Variants in FAIM2 observed in about 807,000 individuals in gnomAD.
The protein encoded by FAIM2 is Fas apoptotic inhibitory molecule 2.
FAIM2 carries 27 observed loss-of-function variants against 47.4 expected under a neutral mutation model. The observed-to-expected ratio is 0.57, with a 90% CI of 0.42 to 0.78. The LOEUF (loss-of-function observed/expected upper bound fraction) is 0.78, where lower values mean the gene tolerates loss of function less well. Among genes scored for constraint, FAIM2 ranks in the 30% least tolerant of loss-of-function variants. FAIM2 has a pLI of 0.00. For missense variants in FAIM2, 311 were observed against 389.4 expected (o/e 0.80, Z 1.69); for synonymous variants, 156 against 159.3 (o/e 0.98, Z 0.16).
intron 11 of FAIM2, among the ~76,000 whole-genome samples, chr12:49,880,448 G>A (rs1202592669): frequency 1.4e-5 from 1 of 74,014 alleles, no homozygotes; most frequent in Non-Finnish European, 2.6e-5. Flanking sequence ...GTTTGTGTAT[G>A]TGCATGTGTA....
intron 11 of FAIM2, among the ~76,000 whole-genome samples, chr12:49,883,437 GGC>G (rs1946840111): frequency 6.6e-6 from 1 of 152,004 alleles, no homozygotes; most frequent in South Asian, 2.1e-4. Flanking sequence ...GTGTCACCAA[GGC>G]ATTTGTCCTG....
In FAIM2 at chr12:49,900,230, G is replaced by A. The variant is rs565043182; in HGVS notation, c.211+900C>T. The stretch of plus-strand genomic sequence containing the variant: ...GCGCCCAGGGGATTTGTAGTGGGAG[G>A]TGTAGACCATGGTGGCTACTCCCTA... On this transcript the variant is annotated intron_variant, in intron 2 of 11. Transcript: ENST00000320634. 3.7e-5 allele frequency: 47 copies of A among 1,286,834 alleles called. No homozygotes were observed. The African/African-American group carries it at 6.4e-4, about 17-fold the overall frequency. 79.7% of individuals were successfully genotyped at this position (1,286,834 alleles called of 1,614,324 possible).
At position 49,880,290 on chromosome 12, in the gene FAIM2, G is replaced by A. The variant is rs1224854530; in HGVS notation, c.801+7096C>T. Among the ~76,000 whole-genome samples, 6 of 148,242 alleles carry A rather than the reference G, an allele frequency of 4.0e-5. No homozygotes were observed. The South Asian group carries it at 8.3e-4, about 21-fold the overall frequency. ...TATGTGTATATGTATGCATATGAGTGTATCTGTGTATGTGCATGTGTGTAT... is the reference window on the plus strand; with the variant it reads ...TATGTGTATATGTATGCATATGAGTATATCTGTGTATGTGCATGTGTGTAT... On this transcript the variant is annotated intron_variant, in intron 11 of 11. Transcript: ENST00000320634.
chr12:49,897,621 C>A, intron 3 of FAIM2, 38 bp from the exon 4 acceptor site: 1 of 1,517,706 alleles, frequency 6.6e-7, no homozygotes, highest in Non-Finnish European at 9.1e-7. Flanking sequence ...TTGGGGGGCC[C>A]TGTTAGGGAC....
At chr12:49,888,781 GC>G (rs1255256353) in intron 10 of FAIM2, among the ~76,000 whole-genome samples, 1 of 152,208 alleles carries the variant, frequency 6.6e-6, no homozygotes, top group Admixed American at 6.5e-5. Flanking sequence ...GCCTCATGGA[GC>G]CCCAGTACTC....
rs562351469 is a variant in FAIM2, at chr12:49,878,994, ATC to A, written c.802-8343_802-8342del. Among the ~76,000 whole-genome samples, 60 of 125,400 alleles carry A rather than the reference ATC, an allele frequency of 4.8e-4. 12 individuals are homozygous for A. The East Asian group carries it at 7.2e-3, about 15-fold the overall frequency. 82.3% of individuals were successfully genotyped at this position (125,400 alleles called of 152,430 possible). ...TGTGTATATGTATGCATATGAGTGT[ATC>A]TGTGTATGTGCATGTGTGTATGTGT... is the stretch of plus-strand genomic sequence containing the variant. On this transcript the variant is annotated intron_variant, in intron 11 of 11. Transcript: ENST00000320634.
intron 2 of FAIM2, chr12:49,900,210 C>G: frequency 7.8e-7 from 1 of 1,287,652 alleles, no homozygotes; most frequent in Non-Finnish European, 1.0e-6. Context: ...GGTCTGCGCC[C>G]AGGGGATTTG....
chr12:49,887,004 A>G (rs1946866356), intron 11 of FAIM2, among the ~76,000 whole-genome samples: 1 of 152,194 alleles, frequency 6.6e-6, no homozygotes, highest in African/African-American at 2.4e-5. Context: ...CCTGGCTCCA[A>G]GAAGCCTTCC....
chr12:49,887,459 G>C lies in FAIM2; in HGVS notation c.748-20C>G. 2 of 1,607,736 alleles carry C rather than the reference G, an allele frequency of 1.2e-6. No individual in the cohort carries two copies. The highest frequency in any genetic ancestry group is 8.5e-7 in the Non-Finnish European group (1 of 1,176,482). ...GGGCACCTGCGGCAGAGGAAAAATG[G>C]GCTTAGGGACGACAAGAAGGGGCAG... On this transcript the variant is annotated intron_variant, in intron 10 of 11. Transcript: ENST00000320634.
At chr12:49,893,815 C>T (rs1946916921) in intron 5 of FAIM2, among the ~76,000 whole-genome samples, 1 of 152,206 alleles carries the variant, frequency 6.6e-6, no homozygotes, top group African/African-American at 2.4e-5. Context: ...TTAGGAAACA[C>T]TCGGAACCTG....
chr12:49,901,067 G>A, intron 2 of FAIM2, 63 bp downstream of exon 2: 1 of 1,356,626 alleles, frequency 7.4e-7, no homozygotes, highest in South Asian at 1.4e-5. Context: ...TCCTACTCAG[G>A]TTTTCCCTCT....
intron 5 of FAIM2, among the ~76,000 whole-genome samples, chr12:49,896,397 TG>T (rs1006694829): frequency 1.3e-5 from 2 of 152,230 alleles, no homozygotes; most frequent in Non-Finnish European, 2.9e-5. Context: ...GCTCGAGGGC[TG>T]CAGGGAGCCT....
intron 5 of FAIM2, among the ~76,000 whole-genome samples, chr12:49,896,240 T>C (rs956864): frequency 0.38 from 57,405 of 152,020 alleles, 11,822 homozygotes; most frequent in African/African-American, 0.52. Context: ...CTGCTCTGAG[T>C]CCCAGGATGG....
chr12:49,880,492 G>GTATGTGTGTGTA (rs747491047), intron 11 of FAIM2, among the ~76,000 whole-genome samples: 4,871 of 84,216 alleles, frequency 0.058, 151 homozygotes, highest in African/African-American at 0.19. Flanking sequence ...GTATGCATGT[G>GTATGTGTGTGTA]TATGTGTGTG....
intron 1 of FAIM2, among the ~76,000 whole-genome samples, chr12:49,903,403 T>C (rs1428254023): frequency 6.6e-6 from 1 of 151,916 alleles, no homozygotes; most frequent in Non-Finnish European, 1.5e-5. Context: ...CCAGAGGGGG[T>C]TGCCCGATAG....
chr12:49,889,371 C>G, intron 9 of FAIM2, 110 bp downstream of exon 9: 1 of 1,104,254 alleles, frequency 9.1e-7, no homozygotes. Flanking sequence ...AACTCACCCC[C>G]TTTACTTCTC....
rs1287332080 is a variant in FAIM2, at chr12:49,878,917, CAT to C, written c.802-8266_802-8265del. 1.3e-4 allele frequency among the ~76,000 whole-genome samples: 17 copies of C among 126,060 alleles called. 4 individuals are homozygous for C. Among genetic ancestry groups the C allele is most frequent in the East Asian group, 2.9e-4 (1 of 3,486 alleles). 82.7% of individuals were successfully genotyped at this position (126,060 alleles called of 152,430 possible). A position where few individuals can be genotyped will look rare whatever the true frequency, so the allele number is the denominator to read the frequency against. ...ATGTGCATGTGTATGCGTGTGAGTG[CAT>C]GTGTGTATATGTGCATGCATGTGTG... On this transcript the variant is annotated intron_variant, in intron 11 of 11. Transcript: ENST00000320634.
At chr12:49,879,881 TATGTGTGCATGTGTATGTGC>T (rs944796605) in intron 11 of FAIM2, among the ~76,000 whole-genome samples, 6 of 119,284 alleles carry the variant, frequency 5.0e-5, no homozygotes, top group African/African-American at 1.6e-4. Flanking sequence ...CGTGTATGTG[TATGTGTGCATGTGTATGTGC>T]ATGTGTATAT....
At chr12:49,881,104 C>T (rs990174377) in intron 11 of FAIM2, among the ~76,000 whole-genome samples, 2 of 152,140 alleles carry the variant, frequency 1.3e-5, no homozygotes, top group Admixed American at 1.3e-4. Flanking sequence ...GAGCATCTTC[C>T]TATCCCAGCT....
Sources: gnomAD v4.1 joint callset for allele counts (sites outside exome capture counted in the v4.1 genomes callset) on GRCh38, gnomAD v4.1.1 for gene constraint, MANE v1.5 for transcripts, NCBI Gene and HGNC (gene_info 2026-07-23, HGNC 2026-07-21) for gene names.